Variants in NFATC2IP observed in about 807,000 individuals in gnomAD.
NFATC2IP encodes the protein nuclear factor of activated T cells 2 interacting protein.
A neutral mutation model predicts 40.2 loss-of-function variants in NFATC2IP; 25 were observed. That is an observed-to-expected ratio of 0.62 (90% CI 0.45 to 0.87). NFATC2IP has a LOEUF of 0.87. NFATC2IP is among the 40% of genes least tolerant of loss of function. The pLI is 0.00. For synonymous variants in NFATC2IP, 241 were observed against 236.3 expected (o/e 1.02, Z -0.18); for missense variants, 553 against 555.6 (o/e 1.00, Z 0.05).
In NFATC2IP at chr16:28,964,121, T is replaced by A; in HGVS notation, c.*258T>A. The A allele has an allele frequency of 4.3e-6, 2 of 463,558 alleles. No homozygotes were observed. 28.7% of individuals were successfully genotyped at this position (463,558 alleles called of 1,614,324 possible). A position where few individuals can be genotyped will look rare whatever the true frequency, so the allele number is the denominator to read the frequency against. On this transcript the variant is annotated 3_prime_UTR_variant, in exon 8 of 8. Coordinates refer to ENST00000320805, the MANE Select transcript of NFATC2IP (RefSeq NM_032815.4). Reference sequence around the variant, plus strand: ...GCTGAGTTTTGCAGCCTCTGTGACTTGGAGATGTCCCTTCACCCCTCCCCT... The same window carrying A: ...GCTGAGTTTTGCAGCCTCTGTGACTAGGAGATGTCCCTTCACCCCTCCCCT...
chr16:28,951,099 C>T lies in NFATC2IP; in HGVS notation c.88C>T (p.Arg30Trp), dbSNP rs1596725824. Reference protein sequence around the residue: ...GGRGGWGGRGRRPRAQRSPSR... With the variant: ...GGRGGWGGRGWRPRAQRSPSR... ...TCGGGGCGGCTGGGGCGGTCGGGGC[C>T]GGCGTCCTCGGGCCCAGCGGTCTCC... Residue 30 changes from arginine to tryptophan, a missense_variant, in exon 1 of 8, where the codon CGG (arginine) becomes TGG (tryptophan). Arg to Trp is a moderately radical substitution (Grantham distance 101). Transcript: ENST00000320805. 3 of 1,543,916 alleles carry T rather than the reference C, an allele frequency of 1.9e-6. No homozygotes were observed. The highest frequency in any genetic ancestry group is 2.6e-6 in the Non-Finnish European group (3 of 1,143,536).
At chr16:28,958,581 C>T (rs1268962252) in intron 5 of NFATC2IP, 136 bp from the exon 6 acceptor site, 1 of 739,218 alleles carries the variant, frequency 1.4e-6, no homozygotes, top group Non-Finnish European at 2.3e-6. Flanking sequence ...CTATACCTTG[C>T]CAGGTAAATA....
At chr16:28,956,969 C>G (rs1272856043) in intron 5 of NFATC2IP, 2 of 152,090 alleles carry the variant, frequency 1.3e-5, no homozygotes, top group Non-Finnish European at 2.9e-5. Flanking sequence ...AACTGGCAGC[C>G]CATGGCTTTT....
rs772874462 is a variant in NFATC2IP, at chr16:28,956,270, A to C, written c.779A>C (p.Glu260Ala). Residue 260 changes from glutamate (E) to alanine (A), a missense_variant, in exon 5 of 8, where the codon GAG becomes GCG. Coordinates refer to ENST00000320805, the MANE Select transcript of NFATC2IP (RefSeq NM_032815.4). ...TTGGTGGAAGGGCCCACCCTCCCAG[A>C]GACCCCCCGACTCTTCCCACTCAAA... ...VVLVEGPTLPETPRLFPLKIR... is the reference protein window; with the variant it reads ...VVLVEGPTLPATPRLFPLKIR... 4.3e-6 allele frequency: 7 copies of C among 1,613,944 alleles called. No homozygotes were observed. Among genetic ancestry groups the C allele is most frequent in the Non-Finnish European group, 5.9e-6 (7 of 1,180,000 alleles).
intron 1 of NFATC2IP, 112 bp from the exon 2 acceptor site, chr16:28,952,020 C>A (rs1964971944): frequency 4.1e-6 from 6 of 1,455,466 alleles, no homozygotes; most frequent in East Asian, 2.3e-5. Flanking sequence ...AAGGTGTCCA[C>A]GATCTTAGGG....
At chr16:28,959,579 T>C (rs2141645865) in intron 7 of NFATC2IP, among the ~76,000 whole-genome samples, 1 of 150,346 alleles carries the variant, frequency 6.7e-6, no homozygotes, top group South Asian at 2.1e-4. Context: ...TCATTTTTTT[T>C]TTTTTTTTTT....
At chr16:28,954,533 C>A (rs1427714369) in intron 2 of NFATC2IP, 32 bp from the exon 3 acceptor site, 3 of 1,479,182 alleles carry the variant, frequency 2.0e-6, no homozygotes, top group South Asian at 1.1e-5. Flanking sequence ...CCTTGGATAA[C>A]CCCCTTCTAC....
Position 28,963,997 on chromosome 16 carries a change from TC to T in NFATC2IP, c.*138del. The T allele has an allele frequency of 1.2e-6, 1 of 807,456 alleles. No individual in the cohort carries two copies. The highest frequency in any genetic ancestry group is 1.9e-6 in the Non-Finnish European group (1 of 514,936). 50.0% of individuals were successfully genotyped at this position (807,456 alleles called of 1,614,324 possible). A position where few individuals can be genotyped will look rare whatever the true frequency, so the allele number is the denominator to read the frequency against. On this transcript the variant is annotated 3_prime_UTR_variant, in exon 8 of 8. Coordinates refer to ENST00000320805, the MANE Select transcript of NFATC2IP (RefSeq NM_032815.4). ...CAGCAAAATCAAGGAGTGACTTTTG[TC>T]CCCTCTCCTGTTGACCCTGGTTTAG...
chr16:28,951,451 C>T (rs1964966758), intron 1 of NFATC2IP, 53 bp downstream of exon 1: 1 of 1,335,828 alleles, frequency 7.5e-7, no homozygotes, highest in African/African-American at 1.5e-5. Flanking sequence ...GCTTGGCCTC[C>T]AGGGAGGGGC....
At position 28,963,922 on chromosome 16, in the gene NFATC2IP, T is replaced by A. The variant is rs1206824638; in HGVS notation, c.*59T>A. ...CTTGGGGAGAATGACTTTCCCTTTT[T>A]TGCCCCATAAGGGCTAGCATAAGCT... On this transcript the variant is annotated 3_prime_UTR_variant, in exon 8 of 8. Transcript: ENST00000320805. The A allele has an allele frequency of 6.4e-7, 1 of 1,552,614 alleles. No individual in the cohort carries two copies. Among genetic ancestry groups the A allele is most frequent in the Non-Finnish European group, 8.9e-7 (1 of 1,129,368 alleles).
chr16:28,952,433 G>A (rs753848019), intron 2 of NFATC2IP: 23 of 596,472 alleles, frequency 3.9e-5, no homozygotes, highest in African/African-American at 7.7e-5. Context: ...AGTCCTGGGC[G>A]GGGCAGGAGG....
rs1965154519 is a variant in NFATC2IP, at chr16:28,966,979, T to C, written c.*3116T>C. The C allele has an allele frequency of 6.6e-6, 1 of 152,186 alleles. No individual in the cohort carries two copies. The highest frequency in any genetic ancestry group is 2.4e-5 in the African/African-American group (1 of 41,446). 9.4% of individuals were successfully genotyped at this position (152,186 alleles called of 1,614,324 possible). ...TTTGAATTTTATGACATTAAAATAATCCACGACATGGTACAGCTCTTCACT... is the reference window on the plus strand; with the variant it reads ...TTTGAATTTTATGACATTAAAATAACCCACGACATGGTACAGCTCTTCACT... On this transcript the variant is annotated 3_prime_UTR_variant, in exon 8 of 8. Transcript: ENST00000320805.
In NFATC2IP at chr16:28,966,229, G is replaced by C. The variant is rs1965144575; in HGVS notation, c.*2366G>C. 6.6e-6 allele frequency: 1 copy of C among 152,144 alleles called. No homozygotes were observed. Among genetic ancestry groups the C allele is most frequent in the African/African-American group, 2.4e-5 (1 of 41,374 alleles). The allele number at this position is 152,144 out of a possible 1,614,324, so 9.4% of individuals were successfully genotyped here. The stretch of plus-strand genomic sequence containing the variant: ...CACTACACAGTGCTGAAGTCCAGCT[G>C]GTACACACCGGGGTGACACCTTGGC... On this transcript the variant is annotated 3_prime_UTR_variant, in exon 8 of 8. Coordinates refer to ENST00000320805, the MANE Select transcript of NFATC2IP (RefSeq NM_032815.4).
At chr16:28,954,079 C>T (rs1964994016) in intron 2 of NFATC2IP, among the ~76,000 whole-genome samples, 1 of 152,146 alleles carries the variant, frequency 6.6e-6, no homozygotes, top group African/African-American at 2.4e-5. Context: ...AGTTTAGCGG[C>T]ATCCTGACTT....
rs760158773 is a variant in NFATC2IP, at chr16:28,954,724, G to A, written c.578+42G>A. 1.4e-5 allele frequency: 18 copies of A among 1,287,910 alleles called. No homozygotes were observed. The South Asian group carries it at 2.1e-4, about 15-fold the overall frequency. 79.8% of individuals were successfully genotyped at this position (1,287,910 alleles called of 1,614,324 possible). On this transcript the variant is annotated intron_variant, in intron 3 of 7. Coordinates refer to ENST00000320805, the MANE Select transcript of NFATC2IP (RefSeq NM_032815.4). ...CCCTTGGGCCCTGGGAGCAGGAAGT[G>A]AGTTGGAGGGGTAAGCGGAGGCAGG...
rs984903757 is a variant in NFATC2IP, at chr16:28,964,204, T to C, written c.*341T>C. On this transcript the variant is annotated 3_prime_UTR_variant, in exon 8 of 8. Transcript: ENST00000320805. ...TCTGCTTTATGAAACTATGCACATA[T>C]TGAAAGTGAGTTGAAACAAATGAGG... 4 of 237,226 alleles carry C rather than the reference T, an allele frequency of 1.7e-5. No homozygotes were observed. The highest frequency in any genetic ancestry group is 9.0e-5 in the East Asian group (1 of 11,140). The allele number at this position is 237,226 out of a possible 1,614,324, so 14.7% of individuals were successfully genotyped here.
rs779374587 is a variant in NFATC2IP, at chr16:28,959,038, C to T, written c.1039C>T (p.Gln347Ter). The change falls in exon 7 of 8, where the codon CAG becomes TAG. Residue 347 changes from glutamine (Q) to a stop codon, truncating the protein, a stop_gained. Transcript: ENST00000320805. LOFTEE classifies it high-confidence loss of function. ...TCCAGAGGCCACAGAGACGTCCCAA[C>T]AGCTCCAGCTCCGGGTGCAGGGAAA... is the stretch of plus-strand genomic sequence containing the variant. ...SSPEATETSQ[Q>*]LQLRVQGKEK... The T allele has an allele frequency of 6.2e-7, 1 of 1,614,100 alleles. No individual in the cohort carries two copies. Among genetic ancestry groups the T allele is most frequent in the South Asian group, 1.1e-5 (1 of 91,074 alleles).
intron 3 of NFATC2IP, 31 bp downstream of exon 3, chr16:28,954,713 G>A: frequency 7.0e-7 from 1 of 1,419,978 alleles, no homozygotes. Context: ...TGGGCCCTGG[G>A]AGCAGGAAGT....
In NFATC2IP at chr16:28,966,477, G is replaced by C. The variant is rs536708567; in HGVS notation, c.*2614G>C. The C allele has an allele frequency of 6.8e-6, 1 of 146,576 alleles. No homozygotes were observed. Among genetic ancestry groups the C allele is most frequent in the East Asian group, 1.9e-4 (1 of 5,148 alleles). 9.1% of individuals were successfully genotyped at this position (146,576 alleles called of 1,614,324 possible). A position where few individuals can be genotyped will look rare whatever the true frequency, so the allele number is the denominator to read the frequency against. ...AAAAAAAAAAAAAATGAGAGAAATC[G>C]GCTGGGCATGGTTTCTCATGCCTGT... On this transcript the variant is annotated 3_prime_UTR_variant, in exon 8 of 8. Coordinates refer to ENST00000320805, the MANE Select transcript of NFATC2IP (RefSeq NM_032815.4).
Sources: gnomAD v4.1 joint callset for allele counts (sites outside exome capture counted in the v4.1 genomes callset) on GRCh38, gnomAD v4.1.1 for gene constraint, MANE v1.5 for transcripts, NCBI Gene and HGNC (gene_info 2026-07-23, HGNC 2026-07-21) for gene names.